CSMD1: variants seen among roughly 807,000 people sequenced by gnomAD.
CSMD1 encodes the protein CUB and Sushi multiple domains 1.
A neutral mutation model predicts 417.5 loss-of-function variants in CSMD1; 213 were observed. The observed-to-expected ratio is 0.51, with a 90% CI of 0.46 to 0.57. CSMD1 has a LOEUF of 0.57. Among genes scored for constraint, CSMD1 ranks in the 20% least tolerant of loss-of-function variants. CSMD1 has a pLI of 0.00. For synonymous variants in CSMD1, 2,862 were observed against 1,736.8 expected (o/e 1.65, Z -16.11); for missense variants, 6,923 against 4,529.7 (o/e 1.53, Z -15.17).
intron 1 of CSMD1, among the ~76,000 whole-genome samples, chr8:4,762,344 C>A (rs1025458962): frequency 6.6e-6 from 1 of 151,896 alleles, no homozygotes; most frequent in African/African-American, 2.4e-5. Flanking sequence ...TATATTTATA[C>A]CAGTAAACTT....
chr8:3,454,271 G>C (rs1470491976), intron 12 of CSMD1, among the ~76,000 whole-genome samples: 1 of 152,084 alleles, frequency 6.6e-6, no homozygotes, highest in Non-Finnish European at 1.5e-5. Context: ...TATCCAATTT[G>C]CCAGTCTGTG....
rs939112625 is a variant in CSMD1, at chr8:4,966,593, G to C, written c.85+27739C>G. Among the ~76,000 whole-genome samples the C allele has an allele frequency of 4.6e-5, 7 of 152,246 alleles. No homozygotes were observed. The East Asian group carries it at 9.6e-4, about 21-fold the overall frequency. On this transcript the variant is annotated intron_variant, in intron 1 of 69. Coordinates refer to ENST00000635120, the MANE Select transcript of CSMD1 (RefSeq NM_033225.6). The stretch of plus-strand genomic sequence containing the variant: ...TCACACTGACATGCTAAATACATTT[G>C]TGATTGAGAGGTACTGTCTTAGGTA...
chr8:4,114,443 G>C (rs552869220), intron 3 of CSMD1, among the ~76,000 whole-genome samples: 5 of 152,322 alleles, frequency 3.3e-5, no homozygotes, highest in South Asian at 4.1e-4. Flanking sequence ...GGTTACGGAA[G>C]AGCTTGGACA....
chr8:3,065,829 T>TTC (rs1327360484), intron 49 of CSMD1, among the ~76,000 whole-genome samples: 1 of 152,190 alleles, frequency 6.6e-6, no homozygotes, highest in Middle Eastern at 3.2e-3. Context: ...AGAAACTAGA[T>TTC]TCCCTAGTGA....
chr8:4,591,569 T>A (rs1301374427), intron 2 of CSMD1, among the ~76,000 whole-genome samples: 1 of 152,086 alleles, frequency 6.6e-6, no homozygotes, highest in African/African-American at 2.4e-5. Context: ...TGCAGGCTTC[T>A]CTCTTGGGAG....
chr8:3,278,487 C>T (rs1802478897), intron 26 of CSMD1: 2 of 152,080 alleles, frequency 1.3e-5, no homozygotes, highest in South Asian at 4.1e-4. Context: ...GTCATTTTTG[C>T]TTGGAAACAA....
intron 3 of CSMD1, among the ~76,000 whole-genome samples, chr8:4,206,421 T>C (rs1029241446): frequency 6.6e-6 from 1 of 152,020 alleles, no homozygotes; most frequent in Non-Finnish European, 1.5e-5. Context: ...CACCTATGAC[T>C]GAGAACATGC....
intron 41 of CSMD1, among the ~76,000 whole-genome samples, chr8:3,131,683 G>A (rs981471267): frequency 7.9e-5 from 12 of 151,950 alleles, no homozygotes; most frequent in African/African-American, 2.9e-4. Flanking sequence ...TGTTGGTCAG[G>A]CTGGTCTTGA....
chr8:4,764,880 A>ACAAAAC lies in CSMD1; in HGVS notation c.86-127323_86-127322insGTTTTG, dbSNP rs1277954890. Among the ~76,000 whole-genome samples the ACAAAAC allele has an allele frequency of 1.8e-3, 93 of 50,774 alleles. 3 individuals carry two copies. Among genetic ancestry groups the ACAAAAC allele is most frequent in the African/African-American group, 7.2e-3 (89 of 12,328 alleles). The allele number at this position is 50,774 out of a possible 152,430, so 33.3% of individuals were successfully genotyped here. On this transcript the variant is annotated intron_variant, in intron 1 of 69. Coordinates refer to ENST00000635120, the MANE Select transcript of CSMD1 (RefSeq NM_033225.6). Reference sequence around the variant, plus strand: ...AGAGCGAGACTCCATCTCAAAAAAAAAAAAAAAAAAAAAACAACAACAACA... The same window carrying ACAAAAC: ...AGAGCGAGACTCCATCTCAAAAAAAACAAAACAAAAAAAAAAAAAACAACAACAACA...
intron 3 of CSMD1, among the ~76,000 whole-genome samples, chr8:4,059,195 G>T (rs1052391520): frequency 6.6e-6 from 1 of 152,106 alleles, no homozygotes. Flanking sequence ...AATGACTACT[G>T]GGTACATAAC....
intron 46 of CSMD1, among the ~76,000 whole-genome samples, chr8:3,100,468 T>A (rs1815655396): frequency 6.6e-6 from 1 of 152,218 alleles, no homozygotes; most frequent in Non-Finnish European, 1.5e-5. Flanking sequence ...GTGGGAGAGC[T>A]GAAAGGGACC....
chr8:3,899,204 G>A (rs1293918545), intron 5 of CSMD1, among the ~76,000 whole-genome samples: 1 of 152,154 alleles, frequency 6.6e-6, no homozygotes, highest in Non-Finnish European at 1.5e-5. Flanking sequence ...AATCAACAAT[G>A]AACACAGGAC....
intron 26 of CSMD1, among the ~76,000 whole-genome samples, chr8:3,270,929 T>G (rs1229619628): frequency 1.2e-5 from 1 of 81,536 alleles, no homozygotes; most frequent in Admixed American, 1.3e-4. Flanking sequence ...TTTTAATTTT[T>G]TATTTATTAT....
intron 7 of CSMD1, among the ~76,000 whole-genome samples, chr8:3,635,433 G>C (rs913490438): frequency 6.6e-6 from 1 of 151,454 alleles, no homozygotes; most frequent in East Asian, 2.0e-4. Context: ...GCAGTGAGCC[G>C]AGAGTGCACC....
At chr8:4,747,089 C>T (rs547258410) in intron 1 of CSMD1, among the ~76,000 whole-genome samples, 73 of 152,212 alleles carry the variant, frequency 4.8e-4, no homozygotes, top group South Asian at 4.2e-4. Flanking sequence ...GCTGCCTGCA[C>T]GACACAGGAA....
At chr8:4,165,256 G>C (rs1023991265) in intron 3 of CSMD1, among the ~76,000 whole-genome samples, 2 of 152,226 alleles carry the variant, frequency 1.3e-5, no homozygotes, top group Non-Finnish European at 2.9e-5. Flanking sequence ...ATGGAGGTCT[G>C]TTGCAGCGAA....
chr8:4,362,984 A>G (rs1801860510), intron 3 of CSMD1, among the ~76,000 whole-genome samples: 2 of 152,328 alleles, frequency 1.3e-5, no homozygotes, highest in African/African-American at 2.4e-5. Context: ...ATCAACAAAC[A>G]TCTCAGTAGC....
At chr8:3,448,321 A>AAGGAAGGAAGGAAGAAGGG (rs1563399730) in intron 12 of CSMD1, among the ~76,000 whole-genome samples, 1 of 1,860 alleles carries the variant, frequency 5.4e-4, no homozygotes, top group African/African-American at 1.4e-3. Flanking sequence ...GGAAGGAAGG[A>AAGGAAGGAAGGAAGAAGGG]AGGGAGCAAG....
intron 23 of CSMD1, among the ~76,000 whole-genome samples, chr8:3,338,746 C>A (rs141324279): frequency 0.014 from 2,191 of 151,522 alleles, 55 homozygotes; most frequent in African/African-American, 0.05. Flanking sequence ...ATAATTGGTA[C>A]AAAGTTGCCA....
Sources: allele counts gnomAD v4.1 joint callset (sites outside exome capture counted in the v4.1 genomes callset), GRCh38; gene constraint gnomAD v4.1.1; transcripts MANE v1.5; gene names NCBI Gene and HGNC (gene_info 2026-07-23, HGNC 2026-07-21).